Variants in ECPAS observed in about 807,000 individuals in gnomAD.
ECPAS encodes the protein proteasome adapter and scaffold protein ECM29.
Under a neutral mutation model 255.1 loss-of-function variants are expected in ECPAS, and 70 were observed. The observed-to-expected ratio is 0.27, with a 90% CI of 0.23 to 0.33. The LOEUF is 0.33. ECPAS is among the 10% of genes least tolerant of loss of function. The pLI, the probability that ECPAS is intolerant of heterozygous loss-of-function variation, is 1.00. For synonymous variants in ECPAS, 784 were observed against 775.0 expected, an observed-to-expected ratio of 1.01 and a Z score of -0.19; for missense variants, 1,817 against 2,206.4, an observed-to-expected ratio of 0.82 and a Z score of 3.54.
At position 111,475,219 on chromosome 9, in the gene ECPAS, T is replaced by C. The variant is rs147739259; in HGVS notation, c.-82-2219A>G. On this transcript the variant is annotated intron_variant, in intron 1 of 49. Coordinates refer to ENST00000684092, the MANE Select transcript of ECPAS (RefSeq NM_001364929.1). Reference sequence around the variant, plus strand: ...CAATTTTAAAAGTCTGCTTATTGAATTGAAAAAATACATGGGCAAAACAAG... The same window carrying C: ...CAATTTTAAAAGTCTGCTTATTGAACTGAAAAAATACATGGGCAAAACAAG... Among the ~76,000 whole-genome samples the C allele has an allele frequency of 2.8e-3, 428 of 152,290 alleles. 5 individuals are homozygous for C. The highest frequency in any genetic ancestry group is 9.8e-3 in the African/African-American group (408 of 41,568).
intron 15 of ECPAS, among the ~76,000 whole-genome samples, chr9:111,420,859 G>A (rs2098212492): frequency 6.6e-6 from 1 of 152,116 alleles, no homozygotes; most frequent in Non-Finnish European, 1.5e-5. Context: ...TAAAGAGTGA[G>A]GATATTAAAG....
At chr9:111,450,487 G>T (rs2098258965) in intron 3 of ECPAS, among the ~76,000 whole-genome samples, 1 of 152,160 alleles carries the variant, frequency 6.6e-6, no homozygotes, top group South Asian at 2.1e-4. Context: ...AGACCTCCAG[G>T]AAGTCACTGC....
intron 9 of ECPAS, among the ~76,000 whole-genome samples, chr9:111,428,777 T>C (rs2098225433): frequency 6.6e-6 from 1 of 152,218 alleles, no homozygotes; most frequent in Non-Finnish European, 1.5e-5. Context: ...AGTTGCAATT[T>C]GGAGTTGAAA....
intron 45 of ECPAS, among the ~76,000 whole-genome samples, chr9:111,369,996 A>G (rs2098125364): frequency 6.6e-6 from 1 of 152,260 alleles, no homozygotes; most frequent in African/African-American, 2.4e-5. Context: ...ATGGACACCC[A>G]GAATGAAGAC....
intron 1 of ECPAS, among the ~76,000 whole-genome samples, chr9:111,482,219 T>C (rs1323962626): frequency 6.6e-6 from 1 of 152,168 alleles, no homozygotes; most frequent in Non-Finnish European, 1.5e-5. Context: ...CTCTCTCTAA[T>C]CGCACCATGA....
chr9:111,410,180 G>T lies in ECPAS; in HGVS notation c.2411C>A (p.Ala804Glu), dbSNP rs1388776852. Residue 804 changes from alanine (A) to glutamate (E), a missense_variant, in exon 23 of 50, where the codon GCA (alanine) becomes GAA (glutamate). Around this residue, in one of 4 missense-constraint regions of ECPAS, gnomAD observed 194 missense variants for 152.8 expected, o/e 1.27. Transcript: ENST00000684092. Reference sequence around the variant, plus strand: ...ACCCAGGGCTGTGCAGGCAGCAATTGCCAGGAGGGGTGATGTACTGTCCAA... The same window carrying T: ...ACCCAGGGCTGTGCAGGCAGCAATTTCCAGGAGGGGTGATGTACTGTCCAA... The part of the protein sequence containing the change: ...SFLDSTSPLL[A>E]IAACTALGEI... 6.2e-7 allele frequency: 1 copy of T among 1,613,188 alleles called. No homozygotes were observed.
intron 8 of ECPAS, 47 bp from the exon 9 acceptor site, chr9:111,430,675 C>A: frequency 7.7e-7 from 1 of 1,302,866 alleles, no homozygotes; most frequent in Non-Finnish European, 1.1e-6. Context: ...TTTCCCCCTC[C>A]TTCAGTGATT....
chr9:111,428,580 A>G (rs1311898255), intron 9 of ECPAS, among the ~76,000 whole-genome samples: 1 of 152,170 alleles, frequency 6.6e-6, no homozygotes, highest in Non-Finnish European at 1.5e-5. Flanking sequence ...GCTATAATAC[A>G]TTGTTTTGGT....
intron 29 of ECPAS, 117 bp downstream of exon 29, chr9:111,391,639 T>A: frequency 1.6e-6 from 1 of 636,336 alleles, no homozygotes; most frequent in Non-Finnish European, 2.7e-6. Context: ...CTTCCACCAA[T>A]AGATAACATT....
chr9:111,416,489 T>C lies in ECPAS; in HGVS notation c.1684-137A>G, dbSNP rs909745972. On this transcript the variant is annotated intron_variant, in intron 17 of 49. Transcript: ENST00000684092. The stretch of plus-strand genomic sequence containing the variant: ...TTTTCTGATCAAACATTTTCCACTT[T>C]CCTATTAACCATGCTGATCGTGCAT... 2.6e-5 allele frequency: 17 copies of C among 653,488 alleles called. No homozygotes were observed. In the African/African-American group the frequency reaches 2.9e-4, roughly 11 times the overall value. 40.5% of individuals were successfully genotyped at this position (653,488 alleles called of 1,614,324 possible).
intron 1 of ECPAS, among the ~76,000 whole-genome samples, chr9:111,477,559 G>A (rs1407188644): frequency 2.0e-5 from 3 of 152,096 alleles, no homozygotes; most frequent in Non-Finnish European, 4.4e-5. Context: ...ATCTTGTTAT[G>A]AACTATATAT....
chr9:111,399,697 G>A (rs1230890983), intron 24 of ECPAS, among the ~76,000 whole-genome samples: 1 of 152,168 alleles, frequency 6.6e-6, no homozygotes, highest in African/African-American at 2.4e-5. Context: ...TCGCAACCAG[G>A]CACCAGCCCA....
At chr9:111,438,645 G>C (rs775324587) in intron 6 of ECPAS, among the ~76,000 whole-genome samples, 1 of 152,218 alleles carries the variant, frequency 6.6e-6, no homozygotes, top group South Asian at 2.1e-4. Context: ...ATAAGGAGAT[G>C]TAAGATCGAG....
chr9:111,391,904 G>C (rs1424330760), intron 28 of ECPAS, 80 bp from the exon 29 acceptor site: 6 of 965,062 alleles, frequency 6.2e-6, no homozygotes, highest in Non-Finnish European at 9.7e-6. Context: ...CATTTACAAA[G>C]TGATAAAACT....
chr9:111,468,046 G>A (rs2098281645), intron 2 of ECPAS, among the ~76,000 whole-genome samples: 1 of 152,060 alleles, frequency 6.6e-6, no homozygotes, highest in African/African-American at 2.4e-5. Flanking sequence ...CCAGCTACTA[G>A]GAAGGATGAG....
chr9:111,456,443 C>G (rs528416973), intron 2 of ECPAS, among the ~76,000 whole-genome samples: 1 of 152,256 alleles, frequency 6.6e-6, no homozygotes, highest in South Asian at 2.1e-4. Flanking sequence ...ACAACTGTCT[C>G]CAAGAATGAC....
chr9:111,462,385 T>C (rs753372654), intron 2 of ECPAS, among the ~76,000 whole-genome samples: 7 of 152,132 alleles, frequency 4.6e-5, no homozygotes, highest in Non-Finnish European at 1.0e-4. Flanking sequence ...AGATGTGCAC[T>C]ATCATCACTT....
chr9:111,438,448 A>T (rs1250072902), intron 6 of ECPAS, among the ~76,000 whole-genome samples: 5 of 152,114 alleles, frequency 3.3e-5, no homozygotes, highest in Non-Finnish European at 7.4e-5. Context: ...TCTACAAAAA[A>T]TACAAAAAAA....
chr9:111,383,968 T>TATCATCGTTATC (rs1554779859), intron 34 of ECPAS, among the ~76,000 whole-genome samples: 1 of 150,862 alleles, frequency 6.6e-6, no homozygotes, highest in Admixed American at 6.6e-5. Flanking sequence ...TTTGAAGTGT[T>TATCATCGTTATC]ATCATCATCA....
Sources: gnomAD v4.1 joint callset for allele counts (sites outside exome capture counted in the v4.1 genomes callset) on GRCh38, gnomAD v4.1.1 for gene constraint, gnomAD v4.1.1 regional missense constraint, MANE v1.5 for transcripts, NCBI Gene and HGNC (gene_info 2026-07-23, HGNC 2026-07-21) for gene names.